TMEM132D: variants seen among roughly 807,000 people sequenced by gnomAD.
TMEM132D encodes mature OL transmembrane protein.
Under a neutral mutation model 62.3 loss-of-function variants are expected in TMEM132D, and 21 were observed. The ratio of observed to expected loss-of-function variants is 0.34; its 90% confidence interval spans 0.24 to 0.49. TMEM132D has a LOEUF of 0.49. Ranked by LOEUF, TMEM132D falls within the 20% of genes least tolerant of loss-of-function variation. TMEM132D has a pLI of 0.99. For missense variants in TMEM132D, 1,346 were observed against 1,402.8 expected (o/e 0.96, Z 0.65); for synonymous variants, 621 against 575.6 (o/e 1.08, Z -1.13).
chr12:129,801,785 T>G (rs1311952704), intron 1 of TMEM132D, among the ~76,000 whole-genome samples: 2 of 147,090 alleles, frequency 1.4e-5, no homozygotes, highest in African/African-American at 5.0e-5. Context: ...AGTTGAAAAC[T>G]TTGAAAAAAA....
intron 3 of TMEM132D, among the ~76,000 whole-genome samples, chr12:129,477,474 C>A (rs1375342001): frequency 6.6e-6 from 1 of 152,182 alleles, no homozygotes; most frequent in Admixed American, 6.5e-5. Context: ...AAACTATCTG[C>A]TCCTCTTAAA....
intron 3 of TMEM132D, among the ~76,000 whole-genome samples, chr12:129,384,515 C>T (rs1228441585): frequency 6.9e-6 from 1 of 145,722 alleles, no homozygotes; most frequent in Non-Finnish European, 1.5e-5. Context: ...CTGCTCTGTG[C>T]TTTTTTTTTT....
chr12:129,560,238 G>A (rs1259166430), intron 2 of TMEM132D, among the ~76,000 whole-genome samples: 1 of 148,108 alleles, frequency 6.8e-6, no homozygotes, highest in Non-Finnish European at 1.5e-5. Flanking sequence ...TCTGACACTT[G>A]TTTTTTGTTG....
intron 2 of TMEM132D, among the ~76,000 whole-genome samples, chr12:129,535,768 A>ATC (rs147332584): frequency 3.7e-3 from 223 of 60,874 alleles, no homozygotes; most frequent in African/African-American, 0.014. Flanking sequence ...TTCATTTAAG[A>ATC]TTTGTGTGCG....
Position 129,580,729 on chromosome 12 carries a change from A to AT in TMEM132D, c.969-49525_969-49524insA, listed in dbSNP as rs1877827153. 5.2e-5 allele frequency among the ~76,000 whole-genome samples: 4 copies of AT among 76,668 alleles called. No homozygotes were observed. In the Admixed American group the frequency reaches 5.3e-4, roughly 10 times the overall value. The allele number at this position is 76,668 out of a possible 152,430, so 50.3% of individuals were successfully genotyped here. On this transcript the variant is annotated intron_variant, in intron 2 of 8. Coordinates refer to ENST00000422113, the MANE Select transcript of TMEM132D (RefSeq NM_133448.3). ...AAAATAAATAAATAAATAAGTAAAT[A>AT]AAAATAAATAAATAAATAAATAAAT...
chr12:129,303,938 G>A (rs1468288027), intron 4 of TMEM132D, among the ~76,000 whole-genome samples: 5 of 152,154 alleles, frequency 3.3e-5, no homozygotes, highest in Non-Finnish European at 5.9e-5. Context: ...AGAAGACAGA[G>A]GGGAAATTCA....
intron 4 of TMEM132D, among the ~76,000 whole-genome samples, chr12:129,237,235 A>G (rs1879810150): frequency 1.3e-5 from 2 of 152,180 alleles, no homozygotes; most frequent in African/African-American, 4.8e-5. Context: ...ACTCAAAAGT[A>G]AAAGAATTCT....
chr12:129,851,380 T>C (rs1245888750), intron 1 of TMEM132D, among the ~76,000 whole-genome samples: 1 of 152,188 alleles, frequency 6.6e-6, no homozygotes, highest in African/African-American at 2.4e-5. Flanking sequence ...CGCAGGCTAC[T>C]ATAATAAATA....
chr12:129,705,242 C>T lies in TMEM132D; in HGVS notation c.80-4544G>A, dbSNP rs188551940. On this transcript the variant is annotated intron_variant, in intron 1 of 8. Transcript: ENST00000422113. The stretch of plus-strand genomic sequence containing the variant: ...CAGCATTAAAAGGCAAAAAAAGAAA[C>T]GAAAACATTCCCGGGTTTATATACA... Among the ~76,000 whole-genome samples, 1,066 of 152,062 alleles carry T rather than the reference C, an allele frequency of 7.0e-3. 13 individuals carry two copies. Among genetic ancestry groups the T allele is most frequent in the African/African-American group, 0.024 (1,014 of 41,512 alleles).
At chr12:129,334,605 G>A (rs1001336736) in intron 4 of TMEM132D, among the ~76,000 whole-genome samples, 4 of 151,990 alleles carry the variant, frequency 2.6e-5, no homozygotes, top group Admixed American at 6.6e-5. Flanking sequence ...AGCCCACCAC[G>A]TTTTGTTTTG....
intron 4 of TMEM132D, among the ~76,000 whole-genome samples, chr12:129,225,271 C>T (rs577119085): frequency 3.3e-5 from 5 of 152,338 alleles, no homozygotes; most frequent in East Asian, 1.9e-4. Flanking sequence ...GCGTCATCCA[C>T]GCTGCCTGAC....
intron 1 of TMEM132D, among the ~76,000 whole-genome samples, chr12:129,898,417 G>C (rs1214106440): frequency 6.6e-6 from 1 of 152,226 alleles, no homozygotes; most frequent in Non-Finnish European, 1.5e-5. Context: ...TGTCAACCTT[G>C]TGAAAGGCAG....
intron 2 of TMEM132D, among the ~76,000 whole-genome samples, chr12:129,542,917 T>C (rs1009899544): frequency 3.3e-5 from 5 of 152,022 alleles, no homozygotes; most frequent in Non-Finnish European, 7.4e-5. Context: ...GCACATGCTG[T>C]ATAGGTTTGC....
chr12:129,847,022 C>T (rs567495958), intron 1 of TMEM132D, among the ~76,000 whole-genome samples: 128 of 152,256 alleles, frequency 8.4e-4, no homozygotes, highest in Middle Eastern at 3.4e-3. Flanking sequence ...CTGTGGATTA[C>T]GTTAATTTAC....
intron 5 of TMEM132D, among the ~76,000 whole-genome samples, chr12:129,144,509 G>A (rs112695847): frequency 1.2e-3 from 185 of 152,154 alleles, no homozygotes; most frequent in African/African-American, 4.2e-3. Context: ...ACACCCACCC[G>A]ACAGCCCTAG....
chr12:129,535,164 G>C (rs983272639), intron 2 of TMEM132D, among the ~76,000 whole-genome samples: 8 of 152,166 alleles, frequency 5.3e-5, no homozygotes, highest in African/African-American at 1.9e-4. Flanking sequence ...TAATGTCTCT[G>C]TGCTCATGAC....
intron 4 of TMEM132D, among the ~76,000 whole-genome samples, chr12:129,308,698 A>G (rs185154015): frequency 6.6e-6 from 1 of 152,354 alleles, no homozygotes; most frequent in Admixed American, 6.5e-5. Flanking sequence ...AATAGCACAT[A>G]CCACTGAGAT....
intron 3 of TMEM132D, among the ~76,000 whole-genome samples, chr12:129,399,010 C>T (rs1372410008): frequency 6.6e-6 from 1 of 152,178 alleles, no homozygotes; most frequent in Non-Finnish European, 1.5e-5. Context: ...CCACATTTGG[C>T]AGGGACCTTC....
At chr12:129,114,675 A>G (rs1452957352) in intron 5 of TMEM132D, among the ~76,000 whole-genome samples, 1 of 152,158 alleles carries the variant, frequency 6.6e-6, no homozygotes, top group African/African-American at 2.4e-5. Flanking sequence ...CCCTGCAGCC[A>G]CTACTCTGGC....
Sources: gnomAD v4.1 joint callset for allele counts (sites outside exome capture counted in the v4.1 genomes callset) on GRCh38, gnomAD v4.1.1 for gene constraint, MANE v1.5 for transcripts, NCBI Gene and HGNC (gene_info 2026-07-23, HGNC 2026-07-21) for gene names.